Variants in MINDY2 observed in about 807,000 individuals in gnomAD.
The protein encoded by MINDY2 is MINDY lysine 48 deubiquitinase 2, also known as ubiquitin carboxyl-terminal hydrolase MINDY-2.
Under a neutral mutation model 68.2 loss-of-function variants are expected in MINDY2, and 52 were observed. That is an observed-to-expected ratio of 0.76 (90% confidence interval 0.61 to 0.96). MINDY2 has a LOEUF of 0.96. Among genes scored for constraint, MINDY2 ranks in the 40% least tolerant of loss-of-function variants. The pLI is 0.00. For synonymous variants in MINDY2, 372 were observed against 303.0 expected, an observed-to-expected ratio of 1.23 and a Z score of -2.36; for missense variants, 881 against 773.4, an observed-to-expected ratio of 1.14 and a Z score of -1.65.
At chr15:58,797,085 G>T (rs1353032172) in intron 2 of MINDY2, among the ~76,000 whole-genome samples, 1 of 152,122 alleles carries the variant, frequency 6.6e-6, no homozygotes, top group African/African-American at 2.4e-5. Flanking sequence ...TGGCCAGTGT[G>T]AATTGAGATG....
At chr15:58,793,708 T>A (rs1457318777) in intron 2 of MINDY2, among the ~76,000 whole-genome samples, 1 of 152,120 alleles carries the variant, frequency 6.6e-6, no homozygotes, top group African/African-American at 2.4e-5. Context: ...AGACAGACTG[T>A]ATTACAAATA....
At chr15:58,780,082 A>ATG (rs1469152408) in intron 1 of MINDY2, among the ~76,000 whole-genome samples, 3 of 152,132 alleles carry the variant, frequency 2.0e-5, no homozygotes, top group Non-Finnish European at 4.4e-5. Context: ...TGAAATCCTT[A>ATG]TGTAGACTAT....
chr15:58,794,852 A>G (rs1336677052), intron 2 of MINDY2, among the ~76,000 whole-genome samples: 2 of 152,282 alleles, frequency 1.3e-5, no homozygotes, highest in East Asian at 1.9e-4. Flanking sequence ...GAAATTCAAG[A>G]TAAGAATTTA....
chr15:58,813,119 C>G (rs1469766683), intron 4 of MINDY2, among the ~76,000 whole-genome samples: 7 of 152,188 alleles, frequency 4.6e-5, no homozygotes, highest in Non-Finnish European at 1.5e-5. Context: ...ATTGTTGCAT[C>G]TATCAGTAGT....
chr15:58,799,039 A>C (rs1902465264), intron 2 of MINDY2, among the ~76,000 whole-genome samples: 2 of 152,204 alleles, frequency 1.3e-5, no homozygotes, highest in South Asian at 4.1e-4. Flanking sequence ...TTTGGGAATC[A>C]CTGGTGAGAG....
At chr15:58,785,684 G>C (rs187543066) in intron 1 of MINDY2, among the ~76,000 whole-genome samples, 16 of 152,014 alleles carry the variant, frequency 1.1e-4, no homozygotes, top group Non-Finnish European at 2.2e-4. Flanking sequence ...ATAATCTATC[G>C]AATTTTTTTT....
intron 2 of MINDY2, 60 bp downstream of exon 2, chr15:58,788,023 GAT>G: frequency 8.6e-7 from 1 of 1,163,916 alleles, no homozygotes; most frequent in Non-Finnish European, 1.2e-6. Flanking sequence ...AAAGCTAGTT[GAT>G]TACCCAGTCT....
At chr15:58,839,318 G>T (rs1037574484) in intron 6 of MINDY2, among the ~76,000 whole-genome samples, 123 of 142,766 alleles carry the variant, frequency 8.6e-4, no homozygotes, top group African/African-American at 3.4e-3. Context: ...AAGTTAGACT[G>T]TTTTTTTGTT....
At chr15:58,822,332 C>T (rs1486482961) in intron 5 of MINDY2, among the ~76,000 whole-genome samples, 1 of 151,566 alleles carries the variant, frequency 6.6e-6, no homozygotes, top group Non-Finnish European at 1.5e-5. Context: ...TTTCATTTAA[C>T]TTGTAAAATC....
At chr15:58,852,922 GTTTTT>G (rs746154698) in intron 8 of MINDY2, among the ~76,000 whole-genome samples, 2 of 48,968 alleles carry the variant, frequency 4.1e-5, no homozygotes, top group Non-Finnish European at 8.0e-5. Context: ...TGCTGTTCCT[GTTTTT>G]TTTTTTTTTT....
Position 58,856,371 on chromosome 15 carries a change from C to A in MINDY2, c.*1761C>A, listed in dbSNP as rs1186730418. On this transcript the variant is annotated 3_prime_UTR_variant, in exon 9 of 9. Coordinates refer to ENST00000559228, the MANE Select transcript of MINDY2 (RefSeq NM_001040450.3). ...ATCCAAGACCAGTTATAGGATGAAT[C>A]TGTATGTAAAAATAGAGTCTTATTT... is the stretch of plus-strand genomic sequence containing the variant. 6.6e-6 allele frequency: 1 copy of A among 152,504 alleles called. No individual in the cohort carries two copies. Among genetic ancestry groups the A allele is most frequent in the Non-Finnish European group, 1.5e-5 (1 of 68,024 alleles). 9.4% of individuals were successfully genotyped at this position (152,504 alleles called of 1,614,324 possible). A position where few individuals can be genotyped will look rare whatever the true frequency, so the allele number is the denominator to read the frequency against.
At chr15:58,824,669 A>G (rs1282271011) in intron 5 of MINDY2, among the ~76,000 whole-genome samples, 1 of 147,362 alleles carries the variant, frequency 6.8e-6, no homozygotes, top group East Asian at 2.0e-4. Flanking sequence ...TCATCATATT[A>G]TCTTTTTTTT....
chr15:58,836,897 G>A (rs2032022423), intron 6 of MINDY2, among the ~76,000 whole-genome samples: 1 of 152,134 alleles, frequency 6.6e-6, no homozygotes, highest in African/African-American at 2.4e-5. Flanking sequence ...TGGGATTACA[G>A]GTGTGAACCA....
In MINDY2 at chr15:58,854,639, A is replaced by G. The variant is rs1044032452; in HGVS notation, c.*29A>G. ...GTGTTGGCTTCTGTTGGAACCACCT[A>G]TATGTCTTGAGAAACAAAACCACAG... On this transcript the variant is annotated 3_prime_UTR_variant, in exon 9 of 9. Coordinates refer to ENST00000559228, the MANE Select transcript of MINDY2 (RefSeq NM_001040450.3). 7.6e-6 allele frequency: 12 copies of G among 1,586,750 alleles called. No homozygotes were observed. Among genetic ancestry groups the G allele is most frequent in the African/African-American group, 6.8e-5 (5 of 73,930 alleles).
intron 2 of MINDY2, among the ~76,000 whole-genome samples, chr15:58,796,619 G>A (rs1335605766): frequency 6.6e-6 from 1 of 152,160 alleles, no homozygotes; most frequent in African/African-American, 2.4e-5. Flanking sequence ...TGCCTCCCAG[G>A]TTCAAGCAAT....
At chr15:58,832,435 G>T (rs1176725073) in intron 6 of MINDY2, among the ~76,000 whole-genome samples, 1 of 151,556 alleles carries the variant, frequency 6.6e-6, no homozygotes, top group Non-Finnish European at 1.5e-5. Flanking sequence ...CTCCATGTTG[G>T]TCAGGCTGGT....
At chr15:58,817,676 C>CGCACCACT (rs1202778876) in intron 4 of MINDY2, 2 of 152,056 alleles carry the variant, frequency 1.3e-5, no homozygotes, top group African/African-American at 4.8e-5. Flanking sequence ...GAGCTGAGAT[C>CGCACCACT]GCACCACTGC....
At chr15:58,794,447 A>G (rs1304017263) in intron 2 of MINDY2, among the ~76,000 whole-genome samples, 2 of 151,666 alleles carry the variant, frequency 1.3e-5, no homozygotes, top group African/African-American at 4.8e-5. Context: ...ACAGACAGGC[A>G]GGGTATTGGA....
chr15:58,772,674 A>T (rs1900514594), intron 1 of MINDY2, among the ~76,000 whole-genome samples: 1 of 152,196 alleles, frequency 6.6e-6, no homozygotes, highest in South Asian at 2.1e-4. Context: ...TTTGATTTCC[A>T]ACTAATGCCC....
Sources: allele counts gnomAD v4.1 joint callset (sites outside exome capture counted in the v4.1 genomes callset), GRCh38; gene constraint gnomAD v4.1.1; transcripts MANE v1.5; gene names NCBI Gene and HGNC (gene_info 2026-07-23, HGNC 2026-07-21).